SEC61A1: variants seen among roughly 807,000 people sequenced by gnomAD.
The protein encoded by SEC61A1 is protein transport protein Sec61 subunit alpha isoform 1.
Under a neutral mutation model 55.2 loss-of-function variants are expected in SEC61A1, and 15 were observed. The observed-to-expected ratio is 0.27, with a 90% confidence interval of 0.18 to 0.42. The LOEUF (loss-of-function observed/expected upper bound fraction) is 0.42, where lower values mean the gene tolerates loss of function less well. Ranked by LOEUF, SEC61A1 falls within the 10% of genes least tolerant of loss-of-function variation. The pLI is 1.00. For missense variants in SEC61A1, 284 were observed against 602.6 expected, an observed-to-expected ratio of 0.47 and a Z score of 5.53; for synonymous variants, 247 against 234.0, an observed-to-expected ratio of 1.06 and a Z score of -0.51.
In SEC61A1 at chr3:128,067,297, T is replaced by TA. The variant is rs1360682769; in HGVS notation, c.976-117dup. The TA allele has an allele frequency of 3.3e-5, 43 of 1,302,232 alleles. No homozygotes were observed. The highest frequency in any genetic ancestry group is 5.6e-5 in the South Asian group (4 of 71,712). The allele number at this position is 1,302,232 out of a possible 1,614,324, so 80.7% of individuals were successfully genotyped here. A position where few individuals can be genotyped will look rare whatever the true frequency, so the allele number is the denominator to read the frequency against. On this transcript the variant is annotated intron_variant, in intron 9 of 11. Coordinates refer to ENST00000243253, the MANE Select transcript of SEC61A1 (RefSeq NM_013336.4). This position sits in a 1 kb window ranked among gnomAD's most constrained non-coding sequence, Gnocchi z 4.1. ...TCAGCACATTAAATTATCTTTTCAG[T>TA]AAAAAAATTGTACTGTGGGCACCGA...
chr3:128,052,893 A>C lies in SEC61A1; in HGVS notation c.66A>C (p.Pro22=), dbSNP rs778520440. 5 of 1,613,096 alleles carry C rather than the reference A, an allele frequency of 3.1e-6. No individual in the cohort carries two copies. In the Admixed American group the frequency reaches 8.4e-5, roughly 27 times the overall value. ...TCATCCTGCCGGAAATTCAGAAGCCAGAGAGGAAGGTAAGTACCCCAAATC... is the reference window on the plus strand; with the variant it reads ...TCATCCTGCCGGAAATTCAGAAGCCCGAGAGGAAGGTAAGTACCCCAAATC... ...FCVILPEIQK[P]ERKIQFKEKV... Residue 22 remains proline (P), a synonymous_variant, in exon 2 of 12, where the codon CCA becomes CCC. Transcript: ENST00000243253.
At chr3:128,061,225 G>T (rs1190335630) in intron 7 of SEC61A1, among the ~76,000 whole-genome samples, 1 of 152,202 alleles carries the variant, frequency 6.6e-6, no homozygotes, top group Non-Finnish European at 1.5e-5. Context: ...CTGAATCTTG[G>T]TTACCAGGAT....
intron 1 of SEC61A1, 61 bp downstream of exon 1, chr3:128,052,620 C>G: frequency 1.3e-6 from 2 of 1,562,210 alleles, no homozygotes; most frequent in Non-Finnish European, 1.7e-6. Context: ...TTCCCCACAC[C>G]CGTGCGGTCG....
intron 8 of SEC61A1, chr3:128,066,700 AG>A (rs1307456669): frequency 2.1e-5 from 11 of 516,192 alleles, no homozygotes; most frequent in Non-Finnish European, 3.4e-5. Flanking sequence ...CTGGGATTAC[AG>A]GTGTAAGTCA....
At chr3:128,065,657 C>T (rs1449392812) in intron 8 of SEC61A1, among the ~76,000 whole-genome samples, 1 of 151,694 alleles carries the variant, frequency 6.6e-6, no homozygotes, top group Non-Finnish European at 1.5e-5. Context: ...TCTGCTGAGA[C>T]TAAGCCACAT....
rs1265999730 is a variant in SEC61A1 at position 128,052,738 on chromosome 3, C to T, written c.8-97C>T. Reference sequence around the variant, plus strand: ...GGGGTGCGGCCGGCTCCCCTGGCCCCTGCTCTCACTCGTCGTGGGCAGAAG... The same window carrying T: ...GGGGTGCGGCCGGCTCCCCTGGCCCTTGCTCTCACTCGTCGTGGGCAGAAG... On this transcript the variant is annotated intron_variant, in intron 1 of 11. Coordinates refer to ENST00000243253, the MANE Select transcript of SEC61A1 (RefSeq NM_013336.4). 1.4e-5 allele frequency: 21 copies of T among 1,495,420 alleles called. No homozygotes were observed. The South Asian group carries it at 2.2e-4, about 16-fold the overall frequency. 92.6% of individuals were successfully genotyped at this position (1,495,420 alleles called of 1,614,324 possible). A position where few individuals can be genotyped will look rare whatever the true frequency, so the allele number is the denominator to read the frequency against.
chr3:128,065,559 G>C (rs1181548322), intron 8 of SEC61A1, among the ~76,000 whole-genome samples: 2 of 151,920 alleles, frequency 1.3e-5, no homozygotes, highest in African/African-American at 2.4e-5. Flanking sequence ...TTGTATTTTG[G>C]TGTTTATTTA....
upstream of SEC61A1, chr3:128,052,242 C>A (rs1371628105): frequency 6.2e-6 from 2 of 321,308 alleles, no homozygotes; most frequent in East Asian, 6.2e-5. Context: ...CCCGGCGGGC[C>A]CCGCGCGCCA....
At position 128,064,681 on chromosome 3, in the gene SEC61A1, C is replaced by T. The variant is rs193105391; in HGVS notation, c.617-196C>T. The T allele has an allele frequency of 2.8e-4, 159 of 576,410 alleles. No individual in the cohort carries two copies. In the East Asian group the frequency reaches 3.7e-3, roughly 14 times the overall value. 35.7% of individuals were successfully genotyped at this position (576,410 alleles called of 1,614,324 possible). A position where few individuals can be genotyped will look rare whatever the true frequency, so the allele number is the denominator to read the frequency against. ...AAATCAAAAACAAACCAGAATAGCC[C>T]GTTTCTGTAGTTTGAATTCTCTACA... On this transcript the variant is annotated intron_variant, in intron 7 of 11. Transcript: ENST00000243253.
chr3:128,067,650 G>A lies in SEC61A1; in HGVS notation c.1167+38G>A, dbSNP rs1433654311. The A allele has an allele frequency of 1.3e-6, 2 of 1,502,598 alleles. No homozygotes were observed. The allele number at this position is 1,502,598 out of a possible 1,614,324, so 93.1% of individuals were successfully genotyped here. On this transcript the variant is annotated intron_variant, in intron 10 of 11. Coordinates refer to ENST00000243253, the MANE Select transcript of SEC61A1 (RefSeq NM_013336.4). The surrounding 1 kb of genome is among the most constrained non-coding windows in gnomAD (Gnocchi z 4.1). ...AAAACTTTCTGGAAGGGTGATGAAA[G>A]TGTGACTGGTATAAGGGGTGTGGAC... is the stretch of plus-strand genomic sequence containing the variant.
intron 6 of SEC61A1, 147 bp downstream of exon 6, chr3:128,060,358 A>G: frequency 9.4e-7 from 1 of 1,059,150 alleles, no homozygotes. Flanking sequence ...TGAATTCAGC[A>G]GAGAAAGGCT....
chr3:128,058,461 G>T (rs144050553), intron 5 of SEC61A1, among the ~76,000 whole-genome samples: 1 of 152,104 alleles, frequency 6.6e-6, no homozygotes, highest in African/African-American at 2.4e-5. Context: ...TGATCCGCCC[G>T]CCTCAGGCTC....
intron 7 of SEC61A1, among the ~76,000 whole-genome samples, chr3:128,064,244 G>C (rs1203091067): frequency 6.6e-6 from 1 of 152,348 alleles, no homozygotes; most frequent in Non-Finnish European, 1.5e-5. Flanking sequence ...CTTTCAGCTA[G>C]AGTTCAGCAG....
chr3:128,055,879 A>G lies in SEC61A1; in HGVS notation c.220+128A>G, dbSNP rs6802633. On this transcript the variant is annotated intron_variant, in intron 4 of 11. Coordinates refer to ENST00000243253, the MANE Select transcript of SEC61A1 (RefSeq NM_013336.4). The stretch of plus-strand genomic sequence containing the variant: ...TTGGAAAATAGAGTGAAGAATGTTA[A>G]AGTGCTGTGTTGAATAGCCTTATTA... 178,411 of 754,724 alleles carry G rather than the reference A, an allele frequency of 0.24. 22,205 individuals carry two copies. Among genetic ancestry groups the G allele is most frequent in the African/African-American group, 0.28 (16,375 of 57,706 alleles). The allele number at this position is 754,724 out of a possible 1,614,324, so 46.8% of individuals were successfully genotyped here.
chr3:128,068,081 C>G (rs745478882), intron 11 of SEC61A1, 22 bp downstream of exon 11: 1 of 1,598,462 alleles, frequency 6.3e-7, no homozygotes, highest in Non-Finnish European at 8.6e-7. Context: ...CCCCAGGTCC[C>G]CAACCTCCCG....
chr3:128,060,013 G>A lies in SEC61A1; in HGVS notation c.353-89G>A, dbSNP rs931307928. The A allele has an allele frequency of 4.5e-5, 42 of 923,736 alleles. No homozygotes were observed. The Middle Eastern group carries it at 7.1e-4, about 16-fold the overall frequency. 57.2% of individuals were successfully genotyped at this position (923,736 alleles called of 1,614,324 possible). ...CTGCTCTTCATCTTTGTTCTCCCCC[G>A]TGCCTGGCGTTGAATTGGTGTTTCT... is the stretch of plus-strand genomic sequence containing the variant. On this transcript the variant is annotated intron_variant, in intron 5 of 11. Transcript: ENST00000243253.
At chr3:128,066,148 T>C (rs1941971067) in intron 8 of SEC61A1, among the ~76,000 whole-genome samples, 1 of 152,096 alleles carries the variant, frequency 6.6e-6, no homozygotes, top group Non-Finnish European at 1.5e-5. Context: ...GAGGGAGAAG[T>C]TGTATTCCTA....
chr3:128,052,414 C>G (rs1305225109), upstream of SEC61A1: 1 of 1,241,072 alleles, frequency 8.1e-7, no homozygotes, highest in African/African-American at 1.6e-5. Flanking sequence ...CCGCGCCGCG[C>G]CGCTTGCCGC....
At chr3:128,059,279 C>T (rs1309143068) in intron 5 of SEC61A1, among the ~76,000 whole-genome samples, 2 of 152,052 alleles carry the variant, frequency 1.3e-5, no homozygotes, top group Non-Finnish European at 2.9e-5. Context: ...GGAGACCATC[C>T]TGGCTAACAC....
Sources: gnomAD v4.1 joint callset for allele counts (sites outside exome capture counted in the v4.1 genomes callset) on GRCh38, gnomAD v4.1.1 for gene constraint, Gnocchi (gnomAD v3.1) non-coding constraint, MANE v1.5 for transcripts, NCBI Gene and HGNC (gene_info 2026-07-23, HGNC 2026-07-21) for gene names.